FNDC5: variants seen among roughly 807,000 people sequenced by gnomAD.
FNDC5 encodes the protein fibronectin type III domain-containing protein 5.
In FNDC5, 10 loss-of-function variants were observed where a neutral mutation model predicts 24.6. The observed-to-expected ratio is 0.41, with a 90% CI of 0.25 to 0.69. FNDC5 has a LOEUF of 0.69. FNDC5 is among the 30% of genes least tolerant of loss of function. FNDC5 has a pLI of 0.34. For synonymous variants in FNDC5, 90 were observed against 110.7 expected (o/e 0.81, Z 1.18); for missense variants, 226 against 282.9 (o/e 0.80, Z 1.44).
chr1:32,868,827 A>T lies in FNDC5; in HGVS notation c.210+55T>A. 8.7e-7 allele frequency: 1 copy of T among 1,144,648 alleles called. No homozygotes were observed. The highest frequency in any genetic ancestry group is 3.7e-5 in the Admixed American group (1 of 26,716). The allele number at this position is 1,144,648 out of a possible 1,614,324, so 70.9% of individuals were successfully genotyped here. On this transcript the variant is annotated intron_variant, in intron 2 of 5. Coordinates refer to ENST00000373471, the MANE Select transcript of FNDC5 (RefSeq NM_153756.3). This position sits in a 1 kb window ranked among gnomAD's most constrained non-coding sequence, Gnocchi z 4.8. ...CCACCACTGCCACACTCCTACCCCC[A>T]TCTGCCACTACTGTCTTGATGTGTC...
rs185406506 is a variant in FNDC5, at chr1:32,868,401, G to A, written c.211-13C>T. 2.1e-5 allele frequency: 34 copies of A among 1,610,664 alleles called. No homozygotes were observed. In the East Asian group the frequency reaches 5.8e-4, roughly 27 times the overall value. ...GCACATCCTTCTTCTGCAGACAAGC[G>A]CCGGTCACTGCTGTCAACACTCGGT... On this transcript the variant is annotated splice_polypyrimidine_tract_variant and intron_variant, in intron 2 of 5. Coordinates refer to ENST00000373471, the MANE Select transcript of FNDC5 (RefSeq NM_153756.3). This position sits in a 1 kb window ranked among gnomAD's most constrained non-coding sequence, Gnocchi z 4.8.
intron 3 of FNDC5, 95 bp from the exon 4 acceptor site, chr1:32,867,937 T>C: frequency 8.0e-7 from 1 of 1,251,342 alleles, no homozygotes; most frequent in South Asian, 1.3e-5. Context: ...TTTCTACAGG[T>C]GCCCACACAT....
At position 32,870,759 on chromosome 1, in the gene FNDC5, G is replaced by C; in HGVS notation, c.-13C>G. The stretch of plus-strand genomic sequence containing the variant: ...ACCCGGGGTGTATGGTGGCTCCTCC[G>C]GCCGGCAGGCCCGGGGCGGCGCAGG... On this transcript the variant is annotated 5_prime_UTR_variant, in exon 1 of 6. Coordinates refer to ENST00000373471, the MANE Select transcript of FNDC5 (RefSeq NM_153756.3). 1 of 1,089,360 alleles carries C rather than the reference G, an allele frequency of 9.2e-7. No individual in the cohort carries two copies. Among genetic ancestry groups the C allele is most frequent in the South Asian group, 4.4e-5 (1 of 22,778 alleles). The allele number at this position is 1,089,360 out of a possible 1,614,324, so 67.5% of individuals were successfully genotyped here. A position where few individuals can be genotyped will look rare whatever the true frequency, so the allele number is the denominator to read the frequency against.
Position 32,864,217 on chromosome 1 carries a change from C to T in FNDC5, c.*77G>A. 6.2e-7 allele frequency: 1 copy of T among 1,613,774 alleles called. No homozygotes were observed. The highest frequency in any genetic ancestry group is 1.1e-5 in the South Asian group (1 of 91,014). ...GGCCAGATGTTTGTTGGATAATCAT[C>T]ATCAGAACCATGAGATCCTCTCACA... On this transcript the variant is annotated 3_prime_UTR_variant, in exon 6 of 6. Transcript: ENST00000373471.
upstream of FNDC5, among the ~76,000 whole-genome samples, chr1:32,871,759 T>A (rs961186474): frequency 6.6e-6 from 1 of 152,124 alleles, no homozygotes; most frequent in South Asian, 2.1e-4. Context: ...CGGAGATTCG[T>A]GAGACTCTAG....
chr1:32,870,256 C>T (rs1039615495), intron 1 of FNDC5, among the ~76,000 whole-genome samples: 1 of 152,168 alleles, frequency 6.6e-6, no homozygotes, highest in Non-Finnish European at 1.5e-5. Context: ...GGGACCCCAT[C>T]TGCCCCTGCA....
At chr1:32,869,645 AG>A (rs1199171065) in intron 1 of FNDC5, among the ~76,000 whole-genome samples, 1 of 152,150 alleles carries the variant, frequency 6.6e-6, no homozygotes, top group Admixed American at 6.5e-5. Flanking sequence ...CACTCAGAGC[AG>A]GGCCCCTCCA....
At position 32,867,473 on chromosome 1, in the gene FNDC5, T is replaced by G. The variant is rs572697146; in HGVS notation, c.499+280A>C. 3.9e-5 allele frequency among the ~76,000 whole-genome samples: 6 copies of G among 152,258 alleles called. No individual in the cohort carries two copies. The East Asian group carries it at 9.7e-4, about 25-fold the overall frequency. ...ACCAGAGGTAAAAGGCCTGTGGAAG[T>G]GTCCAGCCCCAAGAAGCTGAACCTC... On this transcript the variant is annotated intron_variant, in intron 4 of 5. Coordinates refer to ENST00000373471, the MANE Select transcript of FNDC5 (RefSeq NM_153756.3).
chr1:32,870,168 AGGGGTGCC>A (rs1641152123), intron 1 of FNDC5, among the ~76,000 whole-genome samples: 1 of 152,076 alleles, frequency 6.6e-6, no homozygotes, highest in Non-Finnish European at 1.5e-5. Context: ...GTACCAGATC[AGGGGTGCC>A]GGGGCCCACC....
rs1293685170 is a variant in FNDC5 at position 32,864,052 on chromosome 1, CCT to C, written c.*240_*241del. On this transcript the variant is annotated 3_prime_UTR_variant, in exon 6 of 6. Coordinates refer to ENST00000373471, the MANE Select transcript of FNDC5 (RefSeq NM_153756.3). ...ACCCAGTCTACCCCCAGCAGTCATCCCTCTGAGTGCAGCCTCAGCCACTGACA... is the reference window on the plus strand; with the variant it reads ...ACCCAGTCTACCCCCAGCAGTCATCCCTGAGTGCAGCCTCAGCCACTGACA... The C allele has an allele frequency of 5.6e-6, 8 of 1,426,052 alleles. No homozygotes were observed. Among genetic ancestry groups the C allele is most frequent in the Admixed American group, 2.6e-5 (1 of 38,912 alleles). 88.3% of individuals were successfully genotyped at this position (1,426,052 alleles called of 1,614,324 possible).
Position 32,868,256 on chromosome 1 carries a change from G to A in FNDC5, c.343C>T (p.Pro115Ser), listed in dbSNP as rs1641110866. 6.2e-7 allele frequency: 1 copy of A among 1,614,160 alleles called. No individual in the cohort carries two copies. The highest frequency in any genetic ancestry group is 1.1e-5 in the South Asian group (1 of 91,084). Residue 115 changes from proline to serine, a missense_variant, in exon 3 of 6, where the codon CCA becomes TCA. Coordinates refer to ENST00000373471, the MANE Select transcript of FNDC5 (RefSeq NM_153756.3). The surrounding 1 kb of genome is among the most constrained non-coding windows in gnomAD (Gnocchi z 4.8). Reference sequence around the variant, plus strand: ...TTGAAGAGCACAGGCTCGCTGGCTGGGCTCTGGCCCTGAATGGAGATGGCC... The same window carrying A: ...TTGAAGAGCACAGGCTCGCTGGCTGAGCTCTGGCCCTGAATGGAGATGGCC...
Position 32,864,736 on chromosome 1 carries a change from G to T in FNDC5, c.561C>A (p.Asn187Lys). ...CTGATGCACTCTTGGTTTTTTCCTT[G>T]TTGTTATTGGGTTCATTGTCCTTGA... The change falls in exon 5 of 6, where the codon AAC becomes AAA. Residue 187 changes from asparagine (N) to lysine (K), a missense_variant. Coordinates refer to ENST00000373471, the MANE Select transcript of FNDC5 (RefSeq NM_153756.3). The T allele has an allele frequency of 6.2e-7, 1 of 1,614,096 alleles. No homozygotes were observed. The highest frequency in any genetic ancestry group is 8.5e-7 in the Non-Finnish European group (1 of 1,179,982).
Position 32,863,968 on chromosome 1 carries a change from G to A in FNDC5, c.*326C>T, listed in dbSNP as rs145617804. On this transcript the variant is annotated 3_prime_UTR_variant, in exon 6 of 6. Transcript: ENST00000373471. ...TTGTCTTTTTGCCTTTTCAAACCCA[G>A]CCTTCAGCCTCACTCAACTGAATGG... is the stretch of plus-strand genomic sequence containing the variant. The A allele has an allele frequency of 6.1e-6, 8 of 1,304,880 alleles. No homozygotes were observed. In the African/African-American group the frequency reaches 1.2e-4, roughly 20 times the overall value. The allele number at this position is 1,304,880 out of a possible 1,614,324, so 80.8% of individuals were successfully genotyped here. A position where few individuals can be genotyped will look rare whatever the true frequency, so the allele number is the denominator to read the frequency against.
rs201963189 is a variant in FNDC5 at position 32,868,224 on chromosome 1, C to T, written c.375G>A (p.Pro125=). The change falls in exon 3 of 6, where the codon CCG becomes CCA. Residue 125 remains proline, a synonymous_variant. Coordinates refer to ENST00000373471, the MANE Select transcript of FNDC5 (RefSeq NM_153756.3). This position sits in a 1 kb window ranked among gnomAD's most constrained non-coding sequence, Gnocchi z 4.8. Reference sequence around the variant, plus strand: ...TGGAGGCCATCTTCTCAGCCTCACGCGGGGTCTTGAAGAGCACAGGCTCGC... The same window carrying T: ...TGGAGGCCATCTTCTCAGCCTCACGTGGGGTCTTGAAGAGCACAGGCTCGC... The T allele has an allele frequency of 1.9e-5, 30 of 1,614,134 alleles. No individual in the cohort carries two copies. Among genetic ancestry groups the T allele is most frequent in the Middle Eastern group, 1.7e-4 (1 of 6,058 alleles).
intron 1 of FNDC5, among the ~76,000 whole-genome samples, chr1:32,869,827 G>A (rs1477697894): frequency 1.3e-5 from 2 of 152,116 alleles, no homozygotes; most frequent in Non-Finnish European, 2.9e-5. Context: ...CTTCCAAGGG[G>A]CAGGTGCAGC....
rs1640983778 is a variant in FNDC5, at chr1:32,862,295, C to T, written c.*1999G>A. 6.6e-6 allele frequency: 1 copy of T among 152,634 alleles called. No individual in the cohort carries two copies. Among genetic ancestry groups the T allele is most frequent in the Non-Finnish European group, 1.5e-5 (1 of 68,042 alleles). 9.5% of individuals were successfully genotyped at this position (152,634 alleles called of 1,614,324 possible). On this transcript the variant is annotated 3_prime_UTR_variant, in exon 6 of 6. Coordinates refer to ENST00000373471, the MANE Select transcript of FNDC5 (RefSeq NM_153756.3). ...CCTTTTCATTTGTCTTTTTATTTTA[C>T]ATTTAAAAAGTGGTTATTGCTCTAA...
At chr1:32,870,606 G>T in intron 1 of FNDC5, 47 bp downstream of exon 1, 2 of 1,129,566 alleles carry the variant, frequency 1.8e-6, no homozygotes, top group South Asian at 4.4e-5. Flanking sequence ...AGCTGGGCTC[G>T]AGAGGAGCCT....
chr1:32,866,811 T>C (rs1393519629), intron 4 of FNDC5, among the ~76,000 whole-genome samples: 2 of 152,228 alleles, frequency 1.3e-5, no homozygotes, highest in Non-Finnish European at 2.9e-5. Flanking sequence ...GTCATGATTG[T>C]AGCACTACTG....
chr1:32,870,569 A>C, intron 1 of FNDC5, 84 bp downstream of exon 1: 10 of 832,144 alleles, frequency 1.2e-5, no homozygotes, highest in Non-Finnish European at 1.4e-5. Flanking sequence ...CCTAGGGGGC[A>C]GAGAAAGGAC....
Sources: allele counts gnomAD v4.1 joint callset (sites outside exome capture counted in the v4.1 genomes callset), GRCh38; gene constraint gnomAD v4.1.1; non-coding constraint Gnocchi (gnomAD v3.1); transcripts MANE v1.5; gene names NCBI Gene and HGNC (gene_info 2026-07-23, HGNC 2026-07-21).